Variants in CNOT6L observed in about 807,000 individuals in gnomAD.
CNOT6L encodes CCR4-NOT transcription complex subunit 6 like.
CNOT6L carries 7 observed loss-of-function variants against 64.0 expected under a neutral mutation model. The ratio of observed to expected loss-of-function variants is 0.11; its 90% confidence interval spans 0.06 to 0.21. The LOEUF (loss-of-function observed/expected upper bound fraction) is 0.21. CNOT6L is among the 10% of genes least tolerant of loss of function. CNOT6L has a pLI of 1.00. For missense variants in CNOT6L, 245 were observed against 669.0 expected (o/e 0.37, Z 6.99); for synonymous variants, 193 against 243.4 (o/e 0.79, Z 1.93).
chr4:77,743,428 T>C (rs1201555615), intron 7 of CNOT6L, among the ~76,000 whole-genome samples: 6 of 152,054 alleles, frequency 3.9e-5, no homozygotes, highest in Admixed American at 3.3e-4. Flanking sequence ...TTAGTCTCAG[T>C]ATTTAGAAGA....
upstream of CNOT6L, chr4:77,819,420 G>A (rs559564245): frequency 3.8e-6 from 6 of 1,596,374 alleles, no homozygotes; most frequent in South Asian, 4.4e-5. Context: ...TTCCCCTCCA[G>A]AGCCGCGGCC....
chr4:77,717,836 G>A lies in CNOT6L; in HGVS notation c.*2595C>T, dbSNP rs1320455433. The A allele has an allele frequency of 6.6e-6, 1 of 152,432 alleles. No homozygotes were observed. The highest frequency in any genetic ancestry group is 1.5e-5 in the Non-Finnish European group (1 of 67,994). The allele number at this position is 152,432 out of a possible 1,614,324, so 9.4% of individuals were successfully genotyped here. ...ATTTGGGTTACCATGCCCCAAGTGT[G>A]TACCACCCAAAACATAACACAATTA... On this transcript the variant is annotated 3_prime_UTR_variant, in exon 12 of 12. Transcript: ENST00000504123.
At chr4:77,785,541 T>C (rs927640091) in intron 1 of CNOT6L, among the ~76,000 whole-genome samples, 1 of 151,748 alleles carries the variant, frequency 6.6e-6, no homozygotes, top group Non-Finnish European at 1.5e-5. Context: ...CTCCAGAATA[T>C]ATAAAGAACT....
chr4:77,797,521 C>CA (rs1731001784), intron 1 of CNOT6L, among the ~76,000 whole-genome samples: 1 of 152,168 alleles, frequency 6.6e-6, no homozygotes, highest in Admixed American at 6.5e-5. Context: ...ATCAGACTGT[C>CA]AGTCTCACAG....
At chr4:77,746,332 A>T (rs1037513670) in intron 6 of CNOT6L, among the ~76,000 whole-genome samples, 1 of 152,190 alleles carries the variant, frequency 6.6e-6, no homozygotes, top group Non-Finnish European at 1.5e-5. Context: ...CTCTGTTTCT[A>T]TCTGGGACCT....
rs1334886646 is a variant in CNOT6L at position 77,720,472 on chromosome 4, G to A, written c.1627C>T (p.Leu543=). The change falls in exon 12 of 12, where the codon CTG becomes TTG. Residue 543 remains leucine (L), a synonymous_variant. Coordinates refer to ENST00000504123, the MANE Select transcript of CNOT6L (RefSeq NM_144571.3). ...LTQLELHPPL[L]PLVNGVHLPN... is the part of the protein sequence containing the mutation. ...AAGTGAACACCATTGACAAGAGGCA[G>A]GAGTGGAGGGTGGAGTTCAAGTTGT... is the stretch of plus-strand genomic sequence containing the variant. 2 of 1,613,382 alleles carry A rather than the reference G, an allele frequency of 1.2e-6. No homozygotes were observed. The highest frequency in any genetic ancestry group is 1.1e-5 in the South Asian group (1 of 91,078).
At chr4:77,754,963 T>C (rs1459535052) in intron 5 of CNOT6L, among the ~76,000 whole-genome samples, 1 of 138,772 alleles carries the variant, frequency 7.2e-6, no homozygotes, top group East Asian at 2.0e-4. Flanking sequence ...TCTTGTGGTA[T>C]CAAAAAATTC....
intron 11 of CNOT6L, 47 bp from the exon 12 acceptor site, chr4:77,720,690 T>TA (rs767196834): frequency 3.1e-6 from 5 of 1,590,504 alleles, no homozygotes; most frequent in Admixed American, 1.7e-5. Flanking sequence ...TCAAGATATA[T>TA]AAAGAACAAT....
At chr4:77,820,034 C>A (rs1734107886), upstream of CNOT6L, among the ~76,000 whole-genome samples, 1 of 152,018 alleles carries the variant, frequency 6.6e-6, no homozygotes. Context: ...TTGGCCTTGG[C>A]CTCCTGGTGC....
chr4:77,805,997 CTCAT>C (rs1229155231), intron 1 of CNOT6L, among the ~76,000 whole-genome samples: 2 of 152,366 alleles, frequency 1.3e-5, no homozygotes, highest in African/African-American at 4.8e-5. Context: ...TTCCGTTTTT[CTCAT>C]TCGTCTCTGA....
At chr4:77,815,074 T>C (rs1353135414) in intron 1 of CNOT6L, among the ~76,000 whole-genome samples, 4 of 152,332 alleles carry the variant, frequency 2.6e-5, no homozygotes, top group East Asian at 1.9e-4. Flanking sequence ...CAAGAGAATA[T>C]GGTAAGGTCC....
At chr4:77,764,785 C>T (rs1726635946) in intron 4 of CNOT6L, among the ~76,000 whole-genome samples, 1 of 152,122 alleles carries the variant, frequency 6.6e-6, no homozygotes, top group African/African-American at 2.4e-5. Flanking sequence ...ATACAAGAGA[C>T]CCTAAAAGTT....
intron 8 of CNOT6L, among the ~76,000 whole-genome samples, chr4:77,733,873 G>T (rs1167492419): frequency 6.6e-6 from 1 of 151,932 alleles, no homozygotes; most frequent in Non-Finnish European, 1.5e-5. Flanking sequence ...GTCTTCTCCG[G>T]AAAAGAAACG....
intron 6 of CNOT6L, among the ~76,000 whole-genome samples, chr4:77,746,420 A>G (rs1258632720): frequency 6.6e-6 from 1 of 152,190 alleles, no homozygotes; most frequent in Admixed American, 6.5e-5. Context: ...ACCACAAAGT[A>G]TTATACACAT....
intron 1 of CNOT6L, among the ~76,000 whole-genome samples, chr4:77,808,257 T>C (rs1732476766): frequency 6.6e-6 from 1 of 151,328 alleles, no homozygotes; most frequent in Non-Finnish European, 1.5e-5. Context: ...AGGTCAGGAG[T>C]TCGAGACCAG....
chr4:77,749,765 G>C (rs1724643398), intron 5 of CNOT6L, among the ~76,000 whole-genome samples: 1 of 152,156 alleles, frequency 6.6e-6, no homozygotes, highest in South Asian at 2.1e-4. Flanking sequence ...ATCCAGGACT[G>C]GTGATGGCGA....
intron 8 of CNOT6L, among the ~76,000 whole-genome samples, chr4:77,736,903 T>C (rs1723009972): frequency 1.3e-5 from 2 of 152,154 alleles, no homozygotes; most frequent in Non-Finnish European, 1.5e-5. Flanking sequence ...AAAATCCCCT[T>C]ATATGATTTG....
chr4:77,791,014 A>G (rs13140800), intron 1 of CNOT6L, among the ~76,000 whole-genome samples: 12,664 of 152,072 alleles, frequency 0.083, 754 homozygotes, highest in Non-Finnish European at 0.14. Flanking sequence ...GCGGTGGCTC[A>G]TACCTGTAAT....
intron 8 of CNOT6L, among the ~76,000 whole-genome samples, chr4:77,736,886 T>C (rs919903100): frequency 1.3e-5 from 2 of 152,162 alleles, no homozygotes; most frequent in Non-Finnish European, 2.9e-5. Flanking sequence ...AAGACTGCTA[T>C]GACCAAAAAA....
Sources: allele counts gnomAD v4.1 joint callset (sites outside exome capture counted in the v4.1 genomes callset), GRCh38; gene constraint gnomAD v4.1.1; transcripts MANE v1.5; gene names NCBI Gene and HGNC (gene_info 2026-07-23, HGNC 2026-07-21).